Variants in OLFM2 observed in about 807,000 individuals in gnomAD.
OLFM2 encodes olfactomedin 2.
Under a neutral mutation model 43.9 loss-of-function variants are expected in OLFM2, and 20 were observed. That is an observed-to-expected ratio of 0.46 (90% CI 0.32 to 0.66). The LOEUF (loss-of-function observed/expected upper bound fraction) is 0.66, where lower values mean the gene tolerates loss of function less well. Ranked by LOEUF, OLFM2 falls within the 30% of genes least tolerant of loss-of-function variation. The probability of loss-of-function intolerance (pLI) is 0.04; values close to 1 mark genes in which losing one functional copy is unlikely to be tolerated. For missense variants in OLFM2, 416 were observed against 643.6 expected (o/e 0.65, Z 3.83); for synonymous variants, 268 against 278.6 (o/e 0.96, Z 0.38).
intron 1 of OLFM2, among the ~76,000 whole-genome samples, chr19:9,894,763 G>A (rs973765976): frequency 6.6e-6 from 1 of 151,920 alleles, no homozygotes; most frequent in Non-Finnish European, 1.5e-5. Flanking sequence ...CCACTCCTCG[G>A]TTGAGAACCA....
At position 9,854,173 on chromosome 19, in the gene OLFM2, C is replaced by T. The variant is rs1215896843; in HGVS notation, c.*13G>A. On this transcript the variant is annotated 3_prime_UTR_variant, in exon 6 of 6. Transcript: ENST00000264833. The surrounding 1 kb of genome is among the most constrained non-coding windows in gnomAD (Gnocchi z 9.5). ...GAGGCCCCCCAGGCAGCAGCCCGAGCCACAGCATTGGCTCAGGGGTCCCCA... is the reference window on the plus strand; with the variant it reads ...GAGGCCCCCCAGGCAGCAGCCCGAGTCACAGCATTGGCTCAGGGGTCCCCA... The T allele has an allele frequency of 3.7e-6, 6 of 1,613,702 alleles. No homozygotes were observed. Among genetic ancestry groups the T allele is most frequent in the Non-Finnish European group, 4.2e-6 (5 of 1,179,808 alleles).
chr19:9,904,152 T>TGTGTGTG (rs2046763744), intron 1 of OLFM2, among the ~76,000 whole-genome samples: 1 of 127,162 alleles, frequency 7.9e-6, no homozygotes, highest in Non-Finnish European at 1.6e-5. Flanking sequence ...TGAGTATTGT[T>TGTGTGTG]TGTGTGTGTG....
chr19:9,861,536 T>G (rs2046365337), intron 1 of OLFM2, among the ~76,000 whole-genome samples: 1 of 152,218 alleles, frequency 6.6e-6, no homozygotes, highest in African/African-American at 2.4e-5. Flanking sequence ...GGCAAAGTGA[T>G]GGCAGACAAA....
At position 9,854,947 on chromosome 19, in the gene OLFM2, A is replaced by C; in HGVS notation, c.688-84T>G. 4 of 1,058,506 alleles carry C rather than the reference A, an allele frequency of 3.8e-6. No individual in the cohort carries two copies. Among genetic ancestry groups the C allele is most frequent in the African/African-American group, 1.6e-5 (1 of 62,508 alleles). The allele number at this position is 1,058,506 out of a possible 1,614,324, so 65.6% of individuals were successfully genotyped here. ...GCACCAGCTACAGCCATTAGAGTTCAACAGTCACTAAGTGGTCATTAGTCA... is the reference window on the plus strand; with the variant it reads ...GCACCAGCTACAGCCATTAGAGTTCCACAGTCACTAAGTGGTCATTAGTCA... On this transcript the variant is annotated intron_variant, in intron 5 of 5. Transcript: ENST00000264833. The surrounding 1 kb of genome is among the most constrained non-coding windows in gnomAD (Gnocchi z 9.5).
At chr19:9,903,613 T>C (rs956260291) in intron 1 of OLFM2, among the ~76,000 whole-genome samples, 1 of 152,166 alleles carries the variant, frequency 6.6e-6, no homozygotes, top group African/African-American at 2.4e-5. Flanking sequence ...AAACCTGAAA[T>C]ATTCCTGCAG....
chr19:9,866,146 A>C (rs2046401195), intron 1 of OLFM2, among the ~76,000 whole-genome samples: 1 of 152,246 alleles, frequency 6.6e-6, no homozygotes, highest in Non-Finnish European at 1.5e-5. Flanking sequence ...TGTTCTCTGC[A>C]GCAGTGTAAT....
At chr19:9,919,254 C>G (rs909515990) in intron 1 of OLFM2, among the ~76,000 whole-genome samples, 3 of 151,628 alleles carry the variant, frequency 2.0e-5, no homozygotes, top group African/African-American at 7.3e-5. Flanking sequence ...GCAAGTTCCG[C>G]TTCCCAGGCT....
At chr19:9,892,126 C>A (rs911053946) in intron 1 of OLFM2, among the ~76,000 whole-genome samples, 7 of 151,980 alleles carry the variant, frequency 4.6e-5, no homozygotes, top group African/African-American at 1.7e-4. Context: ...CGTGTGTGTG[C>A]CAGGGTTTGG....
intron 1 of OLFM2, among the ~76,000 whole-genome samples, chr19:9,896,618 G>T (rs12982827): frequency 0.61 from 93,453 of 152,038 alleles, 31,505 homozygotes; most frequent in Non-Finnish European, 0.75. Flanking sequence ...TTACCCCAGG[G>T]CCTTTGCATA....
At chr19:9,864,337 G>A (rs1255872061) in intron 1 of OLFM2, among the ~76,000 whole-genome samples, 1 of 152,124 alleles carries the variant, frequency 6.6e-6, no homozygotes, top group Non-Finnish European at 1.5e-5. Context: ...CTCTCGCTGT[G>A]TCTCCCAGGC....
At chr19:9,933,299 T>A (rs1689486794) in intron 1 of OLFM2, among the ~76,000 whole-genome samples, 1 of 152,066 alleles carries the variant, frequency 6.6e-6, no homozygotes, top group African/African-American at 2.4e-5. Context: ...TGCAGTGGCA[T>A]GACCTTGGCT....
chr19:9,913,712 G>A (rs3745580), intron 1 of OLFM2: 469,462 of 1,037,134 alleles, frequency 0.45, 108,179 homozygotes, highest in Admixed American at 0.55. Flanking sequence ...GGCGCCCCGG[G>A]GGGGCGTGGG....
chr19:9,855,983 A>T (rs1376600069), intron 5 of OLFM2, among the ~76,000 whole-genome samples: 1 of 152,208 alleles, frequency 6.6e-6, no homozygotes, highest in African/African-American at 2.4e-5. Context: ...CCATTGAATG[A>T]TAAGACATCA....
intron 1 of OLFM2, among the ~76,000 whole-genome samples, chr19:9,877,765 G>C (rs1056713985): frequency 6.6e-6 from 1 of 152,054 alleles, no homozygotes; most frequent in Non-Finnish European, 1.5e-5. Flanking sequence ...TTGGCCATGG[G>C]ATAACCTTTG....
intron 1 of OLFM2, among the ~76,000 whole-genome samples, chr19:9,931,717 A>T (rs1318576448): frequency 6.6e-6 from 1 of 151,258 alleles, no homozygotes; most frequent in Non-Finnish European, 1.5e-5. Context: ...TCAAAAATAA[A>T]AAAAAAAAAA....
chr19:9,900,420 C>G (rs1022449929), intron 1 of OLFM2, among the ~76,000 whole-genome samples: 1 of 152,084 alleles, frequency 6.6e-6, no homozygotes, highest in Non-Finnish European at 1.5e-5. Flanking sequence ...GAAAATGAGA[C>G]AGAAAAGGGC....
At chr19:9,887,198 G>C (rs1294009159) in intron 1 of OLFM2, among the ~76,000 whole-genome samples, 1 of 151,286 alleles carries the variant, frequency 6.6e-6, no homozygotes, top group South Asian at 2.1e-4. Context: ...TTTTTTTTTA[G>C]ATGGAGTCTC....
chr19:9,874,719 G>A (rs1484662477), intron 1 of OLFM2, among the ~76,000 whole-genome samples: 1 of 152,164 alleles, frequency 6.6e-6, no homozygotes. Flanking sequence ...GACCTCAAGT[G>A]ATCCACCCAC....
At chr19:9,894,240 C>G (rs545397115) in intron 1 of OLFM2, among the ~76,000 whole-genome samples, 1 of 151,828 alleles carries the variant, frequency 6.6e-6, no homozygotes, top group South Asian at 2.1e-4. Context: ...TTGCAGTGAG[C>G]AGAGATCATG....
Sources: gnomAD v4.1 joint callset for allele counts (sites outside exome capture counted in the v4.1 genomes callset) on GRCh38, gnomAD v4.1.1 for gene constraint, Gnocchi (gnomAD v3.1) non-coding constraint, MANE v1.5 for transcripts, NCBI Gene and HGNC (gene_info 2026-07-23, HGNC 2026-07-21) for gene names.